The following ADGRG2 variants were observed in gnomAD, a reference collection of about 807,000 sequenced individuals.
ADGRG2 encodes G protein-coupled receptor 64.
A neutral mutation model predicts 74.1 loss-of-function variants in ADGRG2; 26 were observed. The observed-to-expected ratio is 0.35, with a 90% CI of 0.26 to 0.49. The LOEUF (loss-of-function observed/expected upper bound fraction) is 0.49, where lower values mean the gene tolerates loss of function less well. ADGRG2 is among the 20% of genes least tolerant of loss of function. The pLI, the probability that ADGRG2 is intolerant of heterozygous loss-of-function variation, is 0.99. For synonymous variants in ADGRG2, 296 were observed against 295.2 expected (o/e 1.00, Z -0.03); for missense variants, 619 against 763.1 (o/e 0.81, Z 2.22).
intron 1 of ADGRG2, among the ~76,000 whole-genome samples, chrX:19,114,445 ATCGGTATTGATTTATCAAGC>A (rs1311464026): frequency 9.0e-6 from 1 of 111,634 alleles, no homozygotes; most frequent in Non-Finnish European, 1.9e-5. Context: ...AGACCTGGAC[ATCGGTATTGATTTATCAAGC>A]TCCCCCAGTG....
At chrX:19,098,767 G>C (rs1190539136) in intron 1 of ADGRG2, among the ~76,000 whole-genome samples, 1 of 111,996 alleles carries the variant, frequency 8.9e-6, no homozygotes, top group Non-Finnish European at 1.9e-5. Context: ...GGAGGTCAGG[G>C]AGTGAGCCAG....
At chrX:19,108,850 T>C (rs1452550687) in intron 1 of ADGRG2, among the ~76,000 whole-genome samples, 1 of 111,579 alleles carries the variant, frequency 9.0e-6, no homozygotes, top group Non-Finnish European at 1.9e-5. Context: ...TGAAAATTCA[T>C]TGAGCTGTAC....
In ADGRG2 at chrX:19,013,712, G is replaced by A. The variant is rs756129149; in HGVS notation, c.1073C>T (p.Thr358Ile). 2.7e-5 allele frequency: 32 copies of A among 1,196,358 alleles called. No homozygotes were observed. In the South Asian group the frequency reaches 5.2e-4, roughly 19 times the overall value. The change falls in exon 16 of 29, where the codon ACT becomes ATT. Residue 358 changes from threonine to isoleucine, a missense_variant. Physicochemically the swap from Thr to Ile is moderately conservative, Grantham distance 89. This residue lies in a region of ADGRG2 where 292 missense variants were observed against 318.0 expected (regional missense o/e 0.92). Transcript: ENST00000379869. ...TGTCTGGACAGGAGGTGCGCTGGTA[G>A]TGTTGACATTCGCAGGGGCAGACAC... ...PTVSAPANVN[T>I]TSAPPVQTDI...
At chrX:19,005,613 G>T (rs1326291888) in intron 22 of ADGRG2, among the ~76,000 whole-genome samples, 1 of 106,056 alleles carries the variant, frequency 9.4e-6, no homozygotes, top group East Asian at 2.9e-4. Flanking sequence ...GAGTACAATG[G>T]TGTGATTTCG....
At chrX:19,093,924 CA>C (rs2062053153) in intron 1 of ADGRG2, among the ~76,000 whole-genome samples, 6 of 105,158 alleles carry the variant, frequency 5.7e-5, no homozygotes, top group Admixed American at 3.0e-4. Context: ...CACACACACA[CA>C]CACACACACA....
At chrX:19,071,393 A>T (rs987436734) in intron 2 of ADGRG2, among the ~76,000 whole-genome samples, 7 of 112,375 alleles carry the variant, frequency 6.2e-5, no homozygotes, top group African/African-American at 2.3e-4. Context: ...TCAAATGAGG[A>T]TGTTAACACA....
rs1240025427 is a variant in ADGRG2, at chrX:19,033,662, G to T, written c.263-8C>A. On this transcript the variant is annotated splice_region_variant and splice_polypyrimidine_tract_variant and intron_variant, in intron 7 of 28. Coordinates refer to ENST00000379869, the MANE Select transcript of ADGRG2 (RefSeq NM_001079858.3). ...TAGTGATTTTAGTTTTTTCTGCAAAGAAACAACTTAAATATTAGAGAATAA... is the reference window on the plus strand; with the variant it reads ...TAGTGATTTTAGTTTTTTCTGCAAATAAACAACTTAAATATTAGAGAATAA... 2 of 740,039 alleles carry T rather than the reference G, an allele frequency of 2.7e-6. No homozygotes were observed. The highest frequency in any genetic ancestry group is 2.1e-6 in the Non-Finnish European group (1 of 480,582). 61.0% of individuals were successfully genotyped at this position (740,039 alleles called of 1,213,427 possible). A position where few individuals can be genotyped will look rare whatever the true frequency, so the allele number is the denominator to read the frequency against.
At chrX:19,066,889 G>A (rs931440773) in intron 3 of ADGRG2, among the ~76,000 whole-genome samples, 8 of 111,075 alleles carry the variant, frequency 7.2e-5, no homozygotes, top group African/African-American at 9.8e-5. Context: ...CCCCCTTTCC[G>A]AAAATACCAG....
Position 18,999,953 on chromosome X carries a change from T to G in ADGRG2, c.2238A>C (p.Pro746=), listed in dbSNP as rs771019669. The G allele has an allele frequency of 6.2e-6, 7 of 1,121,146 alleles. No individual in the cohort carries two copies. The highest frequency in any genetic ancestry group is 8.6e-6 in the Non-Finnish European group (7 of 817,287). 92.4% of individuals were successfully genotyped at this position (1,121,146 alleles called of 1,213,427 possible). ...LKFCIVGWGV[P]AVVVTIILTI... ...TCAGGATGATGGTCACAACCACAGC[T>G]GGTACCCCTGGAAGATGGGAAACAT... Residue 746 remains proline (P), a synonymous_variant, in exon 25 of 29, where the codon CCA becomes CCC. Coordinates refer to ENST00000379869, the MANE Select transcript of ADGRG2 (RefSeq NM_001079858.3).
At chrX:19,118,429 A>C (rs1268935926) in intron 1 of ADGRG2, among the ~76,000 whole-genome samples, 1 of 112,504 alleles carries the variant, frequency 8.9e-6, no homozygotes, top group Non-Finnish European at 1.9e-5. Context: ...CTTATTGCCT[A>C]GGCTGGAGTG....
chrX:18,999,394 G>A, intron 25 of ADGRG2, 115 bp from the exon 26 acceptor site: 1 of 640,079 alleles, frequency 1.6e-6, no homozygotes, highest in Non-Finnish European at 2.4e-6. Context: ...ACCAGTACAA[G>A]AGAAAAAAAA....
chrX:18,999,824 G>T, intron 25 of ADGRG2, 37 bp downstream of exon 25: 2 of 839,605 alleles, frequency 2.4e-6, no homozygotes, highest in Non-Finnish European at 3.6e-6. Flanking sequence ...CCGTTTTCCA[G>T]TTCACTTAGC....
chrX:19,000,429 T>A (rs1402952779), intron 24 of ADGRG2, among the ~76,000 whole-genome samples: 1 of 111,894 alleles, frequency 8.9e-6, no homozygotes, highest in African/African-American at 3.2e-5. Context: ...GACTGGATGC[T>A]CCCAGCCTCC....
At chrX:19,063,784 T>G (rs2061523787) in intron 3 of ADGRG2, among the ~76,000 whole-genome samples, 1 of 111,982 alleles carries the variant, frequency 8.9e-6, no homozygotes, top group African/African-American at 3.2e-5. Flanking sequence ...GGGATTTAAT[T>G]CTTCCGAGGT....
chrX:19,000,486 G>A (rs895688152), intron 24 of ADGRG2, among the ~76,000 whole-genome samples: 3 of 111,600 alleles, frequency 2.7e-5, no homozygotes, highest in Non-Finnish European at 3.8e-5. Context: ...TGGGCCCATG[G>A]GATACGGGCA....
chrX:19,009,180 C>CTTTT, intron 18 of ADGRG2, among the ~76,000 whole-genome samples: 1 of 99,478 alleles, frequency 1.0e-5, no homozygotes, highest in Non-Finnish European at 2.1e-5. Context: ...AGACCAACGT[C>CTTTT]TTTTTTTTTT....
At chrX:19,034,731 G>C (rs909996249) in intron 7 of ADGRG2, 24 of 111,302 alleles carry the variant, frequency 2.2e-4, no homozygotes, top group African/African-American at 7.9e-4. Context: ...TCAGGAGATC[G>C]AGACTATCCT....
intron 12 of ADGRG2, 103 bp from the exon 13 acceptor site, chrX:19,023,556 G>A (rs113294975): frequency 2.0e-5 from 10 of 494,689 alleles, no homozygotes; most frequent in Non-Finnish European, 1.7e-5. Flanking sequence ...TTAGAATCAC[G>A]AGAGCCCTTA....
chrX:19,010,129 T>G lies in ADGRG2; in HGVS notation c.1266-347A>C, dbSNP rs28673424. 4.0e-3 allele frequency among the ~76,000 whole-genome samples: 433 copies of G among 107,736 alleles called. 2 individuals are homozygous for G. The highest frequency in any genetic ancestry group is 0.015 in the East Asian group (50 of 3,444). 93.6% of individuals were successfully genotyped at this position (107,736 alleles called of 115,157 possible). ...CAGCCTTGTTTTTGTTTTTGTTTTT[T>G]TTTTTTTTTGAGACAGAGTCTCACT... On this transcript the variant is annotated intron_variant, in intron 17 of 28. Transcript: ENST00000379869.
Sources: gnomAD v4.1 joint callset for allele counts (sites outside exome capture counted in the v4.1 genomes callset) on GRCh38, gnomAD v4.1.1 for gene constraint, gnomAD v4.1.1 regional missense constraint, MANE v1.5 for transcripts, NCBI Gene and HGNC (gene_info 2026-07-23, HGNC 2026-07-21) for gene names.